Variants in ABCA1 observed in about 807,000 individuals in gnomAD.
ABCA1 encodes the protein phospholipid-transporting ATPase ABCA1.
A neutral mutation model predicts 262.5 loss-of-function variants in ABCA1; 133 were observed. That is an observed-to-expected ratio of 0.51 (90% CI 0.44 to 0.59). The LOEUF is 0.59. Ranked by LOEUF, ABCA1 falls within the 20% of genes least tolerant of loss-of-function variation. The probability of loss-of-function intolerance (pLI) is 0.00; values close to 1 mark genes in which losing one functional copy is unlikely to be tolerated. For missense variants in ABCA1, 2,452 were observed against 2,777.5 expected (o/e 0.88, Z 2.63); for synonymous variants, 1,022 against 1,043.5 (o/e 0.98, Z 0.40).
At chr9:104,895,716 G>C (rs1840142630) in intron 2 of ABCA1, among the ~76,000 whole-genome samples, 1 of 152,152 alleles carries the variant, frequency 6.6e-6, no homozygotes, top group African/African-American at 2.4e-5. Context: ...CTGTCCACTT[G>C]ATTATTCATG....
rs1834797340 is a variant in ABCA1, at chr9:104,845,556, G to C, written c.734C>G (p.Ser245Cys). 1 of 1,612,694 alleles carries C rather than the reference G, an allele frequency of 6.2e-7. No individual in the cohort carries two copies. The highest frequency in any genetic ancestry group is 1.3e-5 in the African/African-American group (1 of 74,900). Residue 245 changes from serine to cysteine, a missense_variant, in exon 8 of 50, where the codon TCT (serine) becomes TGT (cysteine). This residue lies in a region of ABCA1 where 1,032 missense variants were observed against 1,089.7 expected (regional missense o/e 0.95). Coordinates refer to ENST00000374736, the MANE Select transcript of ABCA1 (RefSeq NM_005502.4). ...ILKPILRTLN[S>C]TSPFPSKELA... ...CTCCTTGCTCGGGAAGGGAGATGTA[G>C]AGTTTAGTGTTCTCTGTAATGAGAA...
rs1015367845 is a variant in ABCA1, at chr9:104,818,744, G to A, written c.3381C>T (p.Tyr1127=). 6.2e-7 allele frequency: 1 copy of A among 1,613,922 alleles called. No homozygotes were observed. The highest frequency in any genetic ancestry group is 1.1e-5 in the South Asian group (1 of 91,070). ...CCACATCTTTCTTGACCAAGGTCAG[G>A]TAGTAGCCTGTTCCCAGCTGGTTCT... ...FLKNQLGTGY[Y]LTLVKKDVES... is the part of the protein sequence containing the mutation. Residue 1127 remains tyrosine (Y), a synonymous_variant, in exon 23 of 50, where the codon TAC becomes TAT. Coordinates refer to ENST00000374736, the MANE Select transcript of ABCA1 (RefSeq NM_005502.4).
intron 44 of ABCA1, among the ~76,000 whole-genome samples, chr9:104,788,780 C>G (rs1013919479): frequency 6.6e-6 from 1 of 152,230 alleles, no homozygotes; most frequent in Admixed American, 6.5e-5. Context: ...CCTTGCACCT[C>G]CCTGGCTCTC....
chr9:104,816,054 T>A lies in ABCA1; in HGVS notation c.3738+89A>T, dbSNP rs55634448. 15 of 1,425,242 alleles carry A rather than the reference T, an allele frequency of 1.1e-5. No homozygotes were observed. The East Asian group carries it at 2.7e-4, about 26-fold the overall frequency. 88.3% of individuals were successfully genotyped at this position (1,425,242 alleles called of 1,614,324 possible). On this transcript the variant is annotated intron_variant, in intron 25 of 49. Coordinates refer to ENST00000374736, the MANE Select transcript of ABCA1 (RefSeq NM_005502.4). Reference sequence around the variant, plus strand: ...CCTAAAAACTCAATGACTAACTCCATGATAATCCTGCTCCCAATGCAGGCT... The same window carrying A: ...CCTAAAAACTCAATGACTAACTCCAAGATAATCCTGCTCCCAATGCAGGCT...
At chr9:104,901,612 C>A (rs893058) in intron 2 of ABCA1, among the ~76,000 whole-genome samples, 3,028 of 152,142 alleles carry the variant, frequency 0.02, 45 homozygotes, top group Middle Eastern at 0.027. Context: ...CTGGGGATAA[C>A]CACGGGAGGC....
At chr9:104,837,147 G>C in intron 10 of ABCA1, 51 bp from the exon 11 acceptor site, 1 of 1,430,182 alleles carries the variant, frequency 7.0e-7, no homozygotes, top group Admixed American at 1.8e-5. Flanking sequence ...GAGAAGCACA[G>C]ACAATGAGCG....
chr9:104,864,126 T>C (rs1836867949), intron 5 of ABCA1, among the ~76,000 whole-genome samples: 1 of 152,226 alleles, frequency 6.6e-6, no homozygotes, highest in Non-Finnish European at 1.5e-5. Flanking sequence ...GTACCACCAA[T>C]GCCCAGATCA....
At chr9:104,789,156 T>G (rs997129836) in intron 44 of ABCA1, among the ~76,000 whole-genome samples, 2 of 152,216 alleles carry the variant, frequency 1.3e-5, no homozygotes, top group African/African-American at 4.8e-5. Context: ...CAGCATTCAT[T>G]CCTCTCTGTG....
At chr9:104,855,707 A>T in intron 7 of ABCA1, 6 of 1,538,278 alleles carry the variant, frequency 3.9e-6, no homozygotes, top group Non-Finnish European at 5.3e-6. Flanking sequence ...GCTTACAGGG[A>T]CTAAATAATT....
At chr9:104,803,840 C>G (rs1351424083) in intron 32 of ABCA1, among the ~76,000 whole-genome samples, 1 of 152,168 alleles carries the variant, frequency 6.6e-6, no homozygotes, top group African/African-American at 2.4e-5. Context: ...CTCCTGACCT[C>G]AAGTGATCCA....
chr9:104,886,589 C>T (rs1421903953), intron 3 of ABCA1, among the ~76,000 whole-genome samples: 1 of 152,204 alleles, frequency 6.6e-6, no homozygotes, highest in Non-Finnish European at 1.5e-5. Context: ...CCTTTCAATG[C>T]CAGGAGACAC....
At chr9:104,829,217 G>T in intron 14 of ABCA1, 79 bp from the exon 15 acceptor site, 1 of 1,414,492 alleles carries the variant, frequency 7.1e-7, no homozygotes, top group Non-Finnish European at 9.8e-7. Flanking sequence ...CTCTGAGCCT[G>T]CATGCTAGAG....
intron 7 of ABCA1, among the ~76,000 whole-genome samples, chr9:104,849,916 G>A (rs974448601): frequency 6.6e-6 from 1 of 152,154 alleles, no homozygotes; most frequent in African/African-American, 2.4e-5. Flanking sequence ...ACACATTTAG[G>A]CCAGTACCAA....
intron 1 of ABCA1, among the ~76,000 whole-genome samples, chr9:104,913,966 A>C (rs1175457383): frequency 6.7e-6 from 1 of 149,480 alleles, no homozygotes; most frequent in Admixed American, 6.7e-5. Context: ...CGCCCGGCTA[A>C]TTTTTTGTAT....
At chr9:104,852,276 T>C (rs1341028838) in intron 7 of ABCA1, among the ~76,000 whole-genome samples, 2 of 152,244 alleles carry the variant, frequency 1.3e-5, no homozygotes, top group African/African-American at 2.4e-5. Flanking sequence ...TATCTCTTTC[T>C]GGTGATTTCT....
In ABCA1 at chr9:104,810,782, T is replaced by G. The variant is rs778838803; in HGVS notation, c.4175+18A>C. 2 of 1,614,086 alleles carry G rather than the reference T, an allele frequency of 1.2e-6. No homozygotes were observed. Among genetic ancestry groups the G allele is most frequent in the Admixed American group, 1.7e-5 (1 of 60,012 alleles). ...GCTCGAATCTTACCCCCTCCTGGGA[T>G]GTAGAAGACAAACATACCTGACAAA... On this transcript the variant is annotated intron_variant, in intron 29 of 49. Transcript: ENST00000374736.
intron 2 of ABCA1, among the ~76,000 whole-genome samples, chr9:104,892,529 C>T (rs58724784): frequency 0.02 from 2,976 of 152,178 alleles, 116 homozygotes; most frequent in African/African-American, 0.069. Flanking sequence ...CTCAATTTCC[C>T]CAGGTACTTT....
At chr9:104,879,086 G>A (rs113864212) in intron 5 of ABCA1, among the ~76,000 whole-genome samples, 14,861 of 150,644 alleles carry the variant, frequency 0.099, 1,599 homozygotes, top group African/African-American at 0.27. Context: ...AAAAAAAAAA[G>A]AAAGAAAAGA....
intron 5 of ABCA1, among the ~76,000 whole-genome samples, chr9:104,865,068 G>A (rs1309469524): frequency 2.6e-5 from 4 of 152,202 alleles, no homozygotes; most frequent in South Asian, 4.1e-4. Flanking sequence ...GCCTGATCAC[G>A]TGGATATCCA....
Sources: allele counts gnomAD v4.1 joint callset (sites outside exome capture counted in the v4.1 genomes callset), GRCh38; gene constraint gnomAD v4.1.1; regional missense constraint gnomAD v4.1.1; transcripts MANE v1.5; gene names NCBI Gene and HGNC (gene_info 2026-07-23, HGNC 2026-07-21).